Variants in MAPK10 observed in about 807,000 individuals in gnomAD.
MAPK10 encodes JNK3 alpha protein kinase.
In MAPK10, 25 loss-of-function variants were observed where a neutral mutation model predicts 59.3. The observed-to-expected ratio is 0.42, with a 90% CI of 0.31 to 0.59. The LOEUF (loss-of-function observed/expected upper bound fraction) is 0.59, where lower values mean the gene tolerates loss of function less well. Among genes scored for constraint, MAPK10 ranks in the 20% least tolerant of loss-of-function variants. The pLI is 0.15. For missense variants in MAPK10, 351 were observed against 568.9 expected (o/e 0.62, Z 3.90); for synonymous variants, 190 against 200.5 (o/e 0.95, Z 0.44).
At chr4:86,019,226 T>A (rs558688126) in intron 13 of MAPK10, among the ~76,000 whole-genome samples, 1 of 152,344 alleles carries the variant, frequency 6.6e-6, no homozygotes, top group East Asian at 1.9e-4. Context: ...GCCTGGAAGT[T>A]TCCCTGGTCG....
At chr4:86,234,629 C>G (rs991338842) in intron 2 of MAPK10, among the ~76,000 whole-genome samples, 1 of 152,064 alleles carries the variant, frequency 6.6e-6, no homozygotes, top group African/African-American at 2.4e-5. Context: ...CTTCTCCAAG[C>G]AACTGAATAA....
At chr4:86,475,671 C>T (rs1753027044) in intron 1 of MAPK10, among the ~76,000 whole-genome samples, 1 of 152,118 alleles carries the variant, frequency 6.6e-6, no homozygotes, top group Admixed American at 6.5e-5. Context: ...TGGTCCTTCA[C>T]CCTTAACGGC....
At chr4:86,220,296 T>G (rs1364198063) in intron 2 of MAPK10, among the ~76,000 whole-genome samples, 2 of 152,182 alleles carry the variant, frequency 1.3e-5, no homozygotes, top group Admixed American at 6.5e-5. Context: ...CATTAATCAC[T>G]TATGAGAGTT....
chr4:86,279,565 A>T (rs1046466814), intron 2 of MAPK10, among the ~76,000 whole-genome samples: 11 of 152,182 alleles, frequency 7.2e-5, no homozygotes, highest in Non-Finnish European at 7.3e-5. Flanking sequence ...CAGAGTGAGT[A>T]CCATTTGACA....
intron 2 of MAPK10, among the ~76,000 whole-genome samples, chr4:86,198,364 C>T (rs2081878148): frequency 6.6e-6 from 1 of 152,048 alleles, no homozygotes; most frequent in African/African-American, 2.4e-5. Context: ...CTGAACATTA[C>T]ATCATCCTAT....
intron 1 of MAPK10, among the ~76,000 whole-genome samples, chr4:86,581,913 A>ATATATATATATAT (rs1762323073): frequency 7.9e-5 from 2 of 25,170 alleles, no homozygotes; most frequent in Non-Finnish European, 2.0e-4. Flanking sequence ...ATATATATAT[A>ATATATATATATAT]TATATATATA....
At chr4:86,046,863 T>C (rs893472007) in intron 11 of MAPK10, among the ~76,000 whole-genome samples, 1 of 152,034 alleles carries the variant, frequency 6.6e-6, no homozygotes, top group Non-Finnish European at 1.5e-5. Flanking sequence ...TTCTAGGTAG[T>C]TGGGATACAG....
At chr4:86,222,331 C>A (rs2089811640) in intron 2 of MAPK10, among the ~76,000 whole-genome samples, 1 of 152,140 alleles carries the variant, frequency 6.6e-6, no homozygotes, top group South Asian at 2.1e-4. Context: ...TATCCAAATG[C>A]CAGGAGTTTT....
At chr4:86,119,583 C>CAAAAAA (rs1200405289) in intron 4 of MAPK10, 9 of 52,544 alleles carry the variant, frequency 1.7e-4, no homozygotes, top group African/African-American at 2.1e-4. Flanking sequence ...GACTCCATCA[C>CAAAAAA]AAAAAAAAAA....
intron 2 of MAPK10, among the ~76,000 whole-genome samples, chr4:86,259,939 A>G (rs1008045198): frequency 3.3e-5 from 5 of 152,110 alleles, no homozygotes; most frequent in Admixed American, 6.5e-5. Flanking sequence ...TAAATATTAC[A>G]TATACAATGG....
At chr4:86,491,515 G>T (rs756643093) in intron 1 of MAPK10, among the ~76,000 whole-genome samples, 1 of 152,174 alleles carries the variant, frequency 6.6e-6, no homozygotes, top group Non-Finnish European at 1.5e-5. Flanking sequence ...TTACTGCAAG[G>T]CTGGGTGAAT....
At chr4:86,123,733 T>G (rs2059632851) in intron 4 of MAPK10, 1 of 152,076 alleles carries the variant, frequency 6.6e-6, no homozygotes, top group South Asian at 2.1e-4. Flanking sequence ...TTCTTCCACA[T>G]GTACTTACTT....
At chr4:86,446,024 A>T (rs1471531705) in intron 1 of MAPK10, among the ~76,000 whole-genome samples, 1 of 152,202 alleles carries the variant, frequency 6.6e-6, no homozygotes, top group Non-Finnish European at 1.5e-5. Flanking sequence ...CAGTTTGTTC[A>T]AAATAATAAT....
chr4:86,387,404 T>C (rs1269766063), intron 1 of MAPK10, among the ~76,000 whole-genome samples: 1 of 152,232 alleles, frequency 6.6e-6, no homozygotes, highest in African/African-American at 2.4e-5. Context: ...AGTTTTTACA[T>C]TAAACAGGAA....
chr4:86,063,847 T>A (rs562509521), intron 11 of MAPK10, among the ~76,000 whole-genome samples: 1 of 152,218 alleles, frequency 6.6e-6, no homozygotes, highest in East Asian at 1.9e-4. Flanking sequence ...GCTTTCTAAT[T>A]GAAATATTCT....
intron 3 of MAPK10, among the ~76,000 whole-genome samples, chr4:86,168,131 C>T (rs896166115): frequency 3.3e-5 from 5 of 152,202 alleles, no homozygotes; most frequent in East Asian, 1.9e-4. Flanking sequence ...CCAGTCTGAG[C>T]GACACAGAAG....
At chr4:86,050,394 T>G (rs1254833791) in intron 11 of MAPK10, among the ~76,000 whole-genome samples, 10 of 152,168 alleles carry the variant, frequency 6.6e-5, no homozygotes, top group Admixed American at 6.6e-4. Flanking sequence ...TTTAAGTGAA[T>G]GAATGTGGTG....
chr4:86,488,493 T>C (rs1754204224), intron 1 of MAPK10, among the ~76,000 whole-genome samples: 1 of 152,190 alleles, frequency 6.6e-6, no homozygotes, highest in Non-Finnish European at 1.5e-5. Context: ...GATTACTGGA[T>C]TGAGTTGAAA....
intron 2 of MAPK10, among the ~76,000 whole-genome samples, chr4:86,249,640 A>T (rs1583481017): frequency 6.6e-6 from 1 of 152,216 alleles, no homozygotes; most frequent in East Asian, 1.9e-4. Flanking sequence ...ATCTGCACAT[A>T]CAATCTACAG....
Sources: gnomAD v4.1 joint callset for allele counts (sites outside exome capture counted in the v4.1 genomes callset) on GRCh38, gnomAD v4.1.1 for gene constraint, MANE v1.5 for transcripts, NCBI Gene and HGNC (gene_info 2026-07-23, HGNC 2026-07-21) for gene names.